FRMPD4: variants seen among roughly 807,000 people sequenced by gnomAD.
FRMPD4 encodes FERM and PDZ domain containing 4.
A neutral mutation model predicts 94.1 loss-of-function variants in FRMPD4; 22 were observed. The observed-to-expected ratio is 0.23, with a 90% CI of 0.17 to 0.33. The LOEUF is 0.33. Ranked by LOEUF, FRMPD4 falls within the 10% of genes least tolerant of loss-of-function variation. FRMPD4 has a pLI of 1.00. For synonymous variants in FRMPD4, 631 were observed against 548.6 expected (o/e 1.15, Z -2.10); for missense variants, 1,111 against 1,339.9 (o/e 0.83, Z 2.67).
intron 1 of FRMPD4, among the ~76,000 whole-genome samples, chrX:11,855,091 C>A (rs2053646710): frequency 8.9e-6 from 1 of 112,620 alleles, no homozygotes; most frequent in Admixed American, 9.3e-5. Context: ...CACCCACAGG[C>A]CCAACACCAT....
intron 3 of FRMPD4, among the ~76,000 whole-genome samples, chrX:12,099,851 G>A (rs916585639): frequency 1.8e-5 from 2 of 112,607 alleles, no homozygotes; most frequent in East Asian, 5.5e-4. Flanking sequence ...AAGCTGTGTG[G>A]CCTAAGGCAA....
rs767970879 is a variant in FRMPD4, at chrX:12,620,848, C to T, written c.422+5967C>T. ...GTAGTCACATGATCTGGCTCCACTA[C>T]AATTGCAGAGGCAATCTCATAAATC... On this transcript the variant is annotated intron_variant, in intron 4 of 16. Transcript: ENST00000675598. Among the ~76,000 whole-genome samples the T allele has an allele frequency of 1.6e-4, 18 of 112,393 alleles. No homozygotes were observed. The South Asian group carries it at 2.6e-3, about 16-fold the overall frequency.
intron 1 of FRMPD4, among the ~76,000 whole-genome samples, chrX:12,329,589 G>A (rs1231206196): frequency 4.5e-5 from 5 of 110,962 alleles, no homozygotes; most frequent in Admixed American, 9.6e-5. Flanking sequence ...GTAAGAGAAA[G>A]TAAATGTGGG....
chrX:11,889,562 C>T (rs1053153996), intron 3 of FRMPD4, among the ~76,000 whole-genome samples: 8 of 112,450 alleles, frequency 7.1e-5, no homozygotes, highest in African/African-American at 2.6e-4. Flanking sequence ...TCTATTATCT[C>T]CTATGTGAGC....
intron 3 of FRMPD4, among the ~76,000 whole-genome samples, chrX:11,965,746 T>A (rs1412896186): frequency 9.0e-6 from 1 of 111,639 alleles, no homozygotes; most frequent in African/African-American, 3.3e-5. Flanking sequence ...ATCTTAAATT[T>A]AAAAAAAATC....
At chrX:12,462,837 A>C (rs895064850) in intron 1 of FRMPD4, among the ~76,000 whole-genome samples, 5 of 111,096 alleles carry the variant, frequency 4.5e-5, no homozygotes, top group African/African-American at 1.6e-4. Flanking sequence ...AAAAATTTTA[A>C]AAATTAGCCA....
At chrX:12,171,600 T>C (rs780326438) in intron 1 of FRMPD4, among the ~76,000 whole-genome samples, 1 of 111,525 alleles carries the variant, frequency 9.0e-6, no homozygotes, top group African/African-American at 3.3e-5. Context: ...GCCAGAGTTG[T>C]AGTGGTTACA....
In FRMPD4 at chrX:12,557,918, T is replaced by G. The variant is rs140152363; in HGVS notation, c.159-51803T>G. Among the ~76,000 whole-genome samples, 107 of 112,221 alleles carry G rather than the reference T, an allele frequency of 9.5e-4. 6 individuals are homozygous for G. The East Asian group carries it at 0.018, about 19-fold the overall frequency. On this transcript the variant is annotated intron_variant, in intron 2 of 16. Coordinates refer to ENST00000675598, the MANE Select transcript of FRMPD4 (RefSeq NM_001368397.1). ...ATCTGATTCTGTGACACAGAGTGAATTTATTTCATTTTAACAGCATCTTCT... is the reference window on the plus strand; with the variant it reads ...ATCTGATTCTGTGACACAGAGTGAAGTTATTTCATTTTAACAGCATCTTCT...
intron 3 of FRMPD4, among the ~76,000 whole-genome samples, chrX:11,929,618 G>A (rs2054109774): frequency 8.9e-6 from 1 of 112,470 alleles, no homozygotes; most frequent in South Asian, 3.7e-4. Flanking sequence ...GGTTCAGTGA[G>A]TATTTATTAA....
intron 1 of FRMPD4, among the ~76,000 whole-genome samples, chrX:12,234,499 T>C (rs2057049682): frequency 9.0e-6 from 1 of 110,904 alleles, no homozygotes; most frequent in African/African-American, 3.3e-5. Flanking sequence ...TCGTTGAACA[T>C]TTGCCATGGC....
intron 1 of FRMPD4, among the ~76,000 whole-genome samples, chrX:12,175,972 C>T (rs1158840896): frequency 8.9e-6 from 1 of 112,072 alleles, no homozygotes; most frequent in African/African-American, 3.2e-5. Flanking sequence ...TGGTGATGTG[C>T]TGGTAATGGT....
intron 1 of FRMPD4, among the ~76,000 whole-genome samples, chrX:12,358,095 T>G (rs1355183699): frequency 8.9e-6 from 1 of 112,585 alleles, no homozygotes; most frequent in Non-Finnish European, 1.9e-5. Flanking sequence ...TGAATTGTAT[T>G]TCCTTAAATG....
intron 3 of FRMPD4, among the ~76,000 whole-genome samples, chrX:11,922,953 C>T (rs992754334): frequency 1.8e-5 from 2 of 112,902 alleles, no homozygotes; most frequent in African/African-American, 6.4e-5. Flanking sequence ...CAGGCCATGC[C>T]TACTTACAGG....
chrX:11,934,125 T>C (rs1172718582), intron 3 of FRMPD4, among the ~76,000 whole-genome samples: 1 of 112,123 alleles, frequency 8.9e-6, no homozygotes, highest in African/African-American at 3.2e-5. Context: ...GCAAGAAAAG[T>C]AGAATTAGTC....
chrX:12,419,336 C>T (rs776733915), intron 1 of FRMPD4, among the ~76,000 whole-genome samples: 2 of 111,783 alleles, frequency 1.8e-5, no homozygotes, highest in South Asian at 3.8e-4. Context: ...TGTCATCTGT[C>T]GAGCAATGTA....
At chrX:12,042,004 G>A (rs911806025) in intron 3 of FRMPD4, among the ~76,000 whole-genome samples, 4 of 111,628 alleles carry the variant, frequency 3.6e-5, no homozygotes, top group African/African-American at 9.7e-5. Flanking sequence ...TGGCTCAGGG[G>A]TAGAGAATTT....
intron 14 of FRMPD4, 70 bp from the exon 15 acceptor site, chrX:12,715,999 C>CGTGGGG: frequency 5.9e-6 from 2 of 337,362 alleles, no homozygotes; most frequent in Non-Finnish European, 1.1e-5. Context: ...CAGAGACGAG[C>CGTGGGG]CTCCCACCCC....
At chrX:11,883,859 C>T (rs747645126) in intron 3 of FRMPD4, among the ~76,000 whole-genome samples, 3 of 112,059 alleles carry the variant, frequency 2.7e-5, no homozygotes, top group African/African-American at 6.5e-5. Flanking sequence ...TTCAGATGGG[C>T]ACATGCGTTT....
intron 3 of FRMPD4, among the ~76,000 whole-genome samples, chrX:11,952,056 G>A (rs915686287): frequency 1.8e-5 from 2 of 112,110 alleles, no homozygotes; most frequent in African/African-American, 6.5e-5. Flanking sequence ...AAATACATAC[G>A]TACATGCATA....
Sources: gnomAD v4.1 joint callset for allele counts (sites outside exome capture counted in the v4.1 genomes callset) on GRCh38, gnomAD v4.1.1 for gene constraint, MANE v1.5 for transcripts, NCBI Gene and HGNC (gene_info 2026-07-23, HGNC 2026-07-21) for gene names.